C2orf81: variants seen among roughly 807,000 people sequenced by gnomAD.
The protein encoded by C2orf81 is chromosome 2 open reading frame 81, also known as uncharacterized protein C2orf81.
Under a neutral mutation model 7.9 loss-of-function variants are expected in C2orf81, and 5 were observed. That is an observed-to-expected ratio of 0.63 (90% CI 0.33 to 1.33). The LOEUF is 1.33. C2orf81 is among the 40% of genes most tolerant of loss of function. The probability of loss-of-function intolerance (pLI) is 0.05; values close to 1 mark genes in which losing one functional copy is unlikely to be tolerated. For synonymous variants in C2orf81, 346 were observed against 367.4 expected (o/e 0.94, Z 0.66); for missense variants, 781 against 830.4 (o/e 0.94, Z 0.73).
rs1056240248 is a variant in C2orf81 at position 74,415,040 on chromosome 2, C to G, written c.1137G>C (p.Ala379=). The change falls in exon 3 of 3, where the codon GCG becomes GCC. Residue 379 remains alanine (A), a synonymous_variant. Coordinates refer to ENST00000684111, the MANE Select transcript of C2orf81 (RefSeq NM_001316764.3). This position sits in a 1 kb window ranked among gnomAD's most constrained non-coding sequence, Gnocchi z 5.5. ...RKAAVKRLDP[A]RLPCHWVRPL... is the part of the protein sequence containing the mutation. Reference sequence around the variant, plus strand: ...GGCGCACCCAGTGGCACGGGAGCCTCGCAGGGTCCAGGCGTTTCACGGCCG... The same window carrying G: ...GGCGCACCCAGTGGCACGGGAGCCTGGCAGGGTCCAGGCGTTTCACGGCCG... The G allele has an allele frequency of 1.3e-6, 2 of 1,548,748 alleles. No homozygotes were observed. The highest frequency in any genetic ancestry group is 3.9e-5 in the Admixed American group (2 of 50,896).
Position 74,415,340 on chromosome 2 carries a change from G to A in C2orf81, c.837C>T (p.Tyr279=). Residue 279 remains tyrosine, a synonymous_variant, in exon 3 of 3, where the codon TAC becomes TAT. Transcript: ENST00000684111. The surrounding 1 kb of genome is among the most constrained non-coding windows in gnomAD (Gnocchi z 5.5). ...TTGAGGCCTGGGGGCTGGCTACCAG[G>A]TACGGATCCAGAGAAGGGTCGGCAT... ...ADDADPSLDP[Y]LVASPQASTG... 2.0e-6 allele frequency: 3 copies of A among 1,534,360 alleles called. No homozygotes were observed. Among genetic ancestry groups the A allele is most frequent in the Non-Finnish European group, 2.6e-6 (3 of 1,137,050 alleles).
intron 1 of C2orf81, chr2:74,418,417 C>T (rs776246206): frequency 8.6e-5 from 136 of 1,578,678 alleles, no homozygotes; most frequent in Non-Finnish European, 1.8e-5. Context: ...CAAGGGCTGG[C>T]TGGACTTCGA....
In C2orf81 at chr2:74,414,644, G is replaced by C; in HGVS notation, c.1533C>G (p.Ala511=). Residue 511 remains alanine (A), a synonymous_variant, in exon 3 of 3, where the codon GCC becomes GCG. Transcript: ENST00000684111. This position sits in a 1 kb window ranked among gnomAD's most constrained non-coding sequence, Gnocchi z 5.3. The part of the protein sequence containing the change: ...VRWPSGWEGK[A]ELLGELWAGR... ...CAGCCCACAGCTCGCCCAGCAGCTC[G>C]GCCTTCCCCTCCCAACCGCTGGGCC... 1 of 1,549,830 alleles carries C rather than the reference G, an allele frequency of 6.5e-7. No individual in the cohort carries two copies. The highest frequency in any genetic ancestry group is 8.7e-7 in the Non-Finnish European group (1 of 1,145,840).
At chr2:74,418,588 C>G in intron 1 of C2orf81, 1 of 646,934 alleles carries the variant, frequency 1.5e-6, no homozygotes, top group Admixed American at 2.4e-5. Context: ...CGCCCCTGGT[C>G]GCAAATGCGG....
intron 1 of C2orf81, chr2:74,417,696 T>C: frequency 1.0e-5 from 6 of 587,144 alleles, no homozygotes; most frequent in Non-Finnish European, 1.1e-5. Context: ...CTTGGGCCCC[T>C]TTTAAGACCA....
intron 1 of C2orf81, chr2:74,418,041 G>A (rs1382383326): frequency 1.9e-6 from 1 of 519,304 alleles, no homozygotes; most frequent in Admixed American, 2.5e-5. Flanking sequence ...AGGCGGTGGT[G>A]ATGGTGGGTG....
chr2:74,415,347 TC>T lies in C2orf81; in HGVS notation c.829del (p.Asp277IlefsTer5). Reference protein sequence around the residue: ...APADDADPSLDPYLVASPQAS... With the variant: ...APADDADPSLXPYLVASPQAS... ...CTGGGGGCTGGCTACCAGGTACGGA[TC>T]CAGAGAAGGGTCGGCATCGTCGGCA... is the stretch of plus-strand genomic sequence containing the variant. On this transcript the variant is annotated frameshift_variant, in exon 3 of 3. Coordinates refer to ENST00000684111, the MANE Select transcript of C2orf81 (RefSeq NM_001316764.3). LOFTEE classifies it low-confidence loss of function (END_TRUNC). This position sits in a 1 kb window ranked among gnomAD's most constrained non-coding sequence, Gnocchi z 5.5. 6.5e-7 allele frequency: 1 copy of T among 1,528,150 alleles called. No homozygotes were observed. Among genetic ancestry groups the T allele is most frequent in the South Asian group, 1.2e-5 (1 of 81,998 alleles). 94.7% of individuals were successfully genotyped at this position (1,528,150 alleles called of 1,614,324 possible). A position where few individuals can be genotyped will look rare whatever the true frequency, so the allele number is the denominator to read the frequency against.
chr2:74,415,177 A>G lies in C2orf81; in HGVS notation c.1000T>C (p.Ser334Pro). Residue 334 changes from serine to proline, a missense_variant, in exon 3 of 3, where the codon TCC (serine) becomes CCC (proline). Coordinates refer to ENST00000684111, the MANE Select transcript of C2orf81 (RefSeq NM_001316764.3). This position sits in a 1 kb window ranked among gnomAD's most constrained non-coding sequence, Gnocchi z 5.5. ...VPCIASGVLV[S>P]YPSVGGATRP... ...GTGGCGCCGCCCACAGAGGGGTAGG[A>G]CACCAACACGCCCGAGGCGATGCAG... is the stretch of plus-strand genomic sequence containing the variant. 6.7e-7 allele frequency: 1 copy of G among 1,489,102 alleles called. No homozygotes were observed. Among genetic ancestry groups the G allele is most frequent in the Non-Finnish European group, 8.8e-7 (1 of 1,142,526 alleles). 92.2% of individuals were successfully genotyped at this position (1,489,102 alleles called of 1,614,324 possible). A position where few individuals can be genotyped will look rare whatever the true frequency, so the allele number is the denominator to read the frequency against.
Position 74,414,632 on chromosome 2 carries a change from G to A in C2orf81, c.1545C>T (p.Gly515=), listed in dbSNP as rs1371390563. 2.3e-5 allele frequency: 36 copies of A among 1,549,910 alleles called. No homozygotes were observed. The Admixed American group carries it at 6.7e-4, about 29-fold the overall frequency. ...SGWEGKAELL[G]ELWAGRTRVP... Reference sequence around the variant, plus strand: ...CGCGGGTCCGGCCAGCCCACAGCTCGCCCAGCAGCTCGGCCTTCCCCTCCC... The same window carrying A: ...CGCGGGTCCGGCCAGCCCACAGCTCACCCAGCAGCTCGGCCTTCCCCTCCC... The change falls in exon 3 of 3, where the codon GGC becomes GGT. Residue 515 remains glycine (G), a synonymous_variant. Transcript: ENST00000684111. The surrounding 1 kb of genome is among the most constrained non-coding windows in gnomAD (Gnocchi z 5.3).
Position 74,415,609 on chromosome 2 carries a change from C to T in C2orf81, c.568G>A (p.Gly190Ser). 1 of 1,551,168 alleles carries T rather than the reference C, an allele frequency of 6.4e-7. No homozygotes were observed. The highest frequency in any genetic ancestry group is 2.4e-5 in the East Asian group (1 of 40,916). ...CPSAFPQDPG[G>S]VDRIPLGRSW... is the part of the protein sequence containing the mutation. ...CTTCCTAAAGGGATCCGGTCCACGC[C>T]CCCAGGGTCCTGGGGAAATGCACTC... Residue 190 changes from glycine (G) to serine (S), a missense_variant, in exon 3 of 3, where the codon GGC becomes AGC. Coordinates refer to ENST00000684111, the MANE Select transcript of C2orf81 (RefSeq NM_001316764.3). The surrounding 1 kb of genome is among the most constrained non-coding windows in gnomAD (Gnocchi z 5.5).
In C2orf81 at chr2:74,415,843, A is replaced by T. The variant is rs1335794264; in HGVS notation, c.334T>A (p.Ser112Thr). Residue 112 changes from serine (S) to threonine (T), a missense_variant, in exon 3 of 3, where the codon TCT (serine) becomes ACT (threonine). Coordinates refer to ENST00000684111, the MANE Select transcript of C2orf81 (RefSeq NM_001316764.3). This position sits in a 1 kb window ranked among gnomAD's most constrained non-coding sequence, Gnocchi z 5.5. ...WRFLARDEGE[S>T]AVAEDPTWGE... ...CATGTGGGGTCCTCAGCTACTGCAG[A>T]TTCTCCCTCGTCCCGGGCCAGGAAG... 2 of 1,551,422 alleles carry T rather than the reference A, an allele frequency of 1.3e-6. No individual in the cohort carries two copies. The highest frequency in any genetic ancestry group is 1.4e-5 in the African/African-American group (1 of 73,022).
chr2:74,421,101 A>G (rs746265726), intron 1 of C2orf81, among the ~76,000 whole-genome samples: 1 of 152,174 alleles, frequency 6.6e-6, no homozygotes, highest in Non-Finnish European at 1.5e-5. Flanking sequence ...TTATTTTAAA[A>G]TTGATTGGCT....
chr2:74,415,380 T>C lies in C2orf81; in HGVS notation c.797A>G (p.Glu266Gly), dbSNP rs1573210838. 1.3e-6 allele frequency: 2 copies of C among 1,517,512 alleles called. No individual in the cohort carries two copies. The highest frequency in any genetic ancestry group is 1.8e-6 in the Non-Finnish European group (2 of 1,126,744). The allele number at this position is 1,517,512 out of a possible 1,614,324, so 94.0% of individuals were successfully genotyped here. A position where few individuals can be genotyped will look rare whatever the true frequency, so the allele number is the denominator to read the frequency against. Residue 266 changes from glutamate (E) to glycine (G), a missense_variant, in exon 3 of 3, where the codon GAG becomes GGG. By Grantham distance (98) the Glu-to-Gly change is moderately conservative. Transcript: ENST00000684111. This position sits in a 1 kb window ranked among gnomAD's most constrained non-coding sequence, Gnocchi z 5.5. ...LSASFQLSVE[E>G]APADDADPSL... ...AGGGTCGGCATCGTCGGCAGGCGCC[T>C]CCTCCACCGACAGTTGGAAGCTCGC...
Position 74,416,101 on chromosome 2 carries a change from G to C in C2orf81, c.159C>G (p.Leu53=), listed in dbSNP as rs573294235. The C allele has an allele frequency of 3.2e-5, 50 of 1,541,892 alleles. No homozygotes were observed. The highest frequency in any genetic ancestry group is 4.2e-5 in the Non-Finnish European group (48 of 1,141,634). Reference sequence around the variant, plus strand: ...CCCCTACGACGTCCTCGCCCTCCTCGAGGGCTGTAAGCGCCATCCACTCGG... The same window carrying C: ...CCCCTACGACGTCCTCGCCCTCCTCCAGGGCTGTAAGCGCCATCCACTCGG... The part of the protein sequence containing the change: ...SEAEWMALTA[L]EEGEDVVGDI... Residue 53 remains leucine, a synonymous_variant, in exon 2 of 3, where the codon CTC becomes CTG. Transcript: ENST00000684111.
rs1294178800 is a variant in C2orf81 at position 74,415,517 on chromosome 2, G to A, written c.660C>T (p.Val220=). 7 of 1,545,512 alleles carry A rather than the reference G, an allele frequency of 4.5e-6. No homozygotes were observed. In the East Asian group the frequency reaches 1.7e-4, roughly 38 times the overall value. Residue 220 remains valine, a synonymous_variant, in exon 3 of 3, where the codon GTC becomes GTT. Coordinates refer to ENST00000684111, the MANE Select transcript of C2orf81 (RefSeq NM_001316764.3). This position sits in a 1 kb window ranked among gnomAD's most constrained non-coding sequence, Gnocchi z 5.5. ...ESWEPSPQLR[V]TSAPPPTSEL... ...CTGATGTGGGAGGAGGGGCCGACGT[G>A]ACTCTCAGCTGCGGAGAAGGCTCCC...
rs1229484012 is a variant in C2orf81, at chr2:74,414,735, G to A, written c.1442C>T (p.Thr481Ile). 2.6e-6 allele frequency: 4 copies of A among 1,549,664 alleles called. No individual in the cohort carries two copies. Among genetic ancestry groups the A allele is most frequent in the Non-Finnish European group, 3.5e-6 (4 of 1,145,782 alleles). Residue 481 changes from threonine (T) to isoleucine (I), a missense_variant, in exon 3 of 3, where the codon ACC becomes ATC. By Grantham distance (89) the Thr-to-Ile change is moderately conservative (BLOSUM62 -1). Transcript: ENST00000684111. This position sits in a 1 kb window ranked among gnomAD's most constrained non-coding sequence, Gnocchi z 5.3. ...CACATCAGGGAGCACCGGGTGTGTG[G>A]TGAGGAAGCGGATCCTGGAGTTTGG... Reference protein sequence around the residue: ...PLPNSRIRFLTTHPVLPDVAR... With the variant: ...PLPNSRIRFLITHPVLPDVAR...
rs1182889349 is a variant in C2orf81, at chr2:74,414,690, T to G, written c.1487A>C (p.Lys496Thr). The change falls in exon 3 of 3, where the codon AAG becomes ACG. Residue 496 changes from lysine (K) to threonine (T), a missense_variant. Lys to Thr is a moderately conservative substitution (Grantham distance 78). Transcript: ENST00000684111. This position sits in a 1 kb window ranked among gnomAD's most constrained non-coding sequence, Gnocchi z 5.3. ...LPDVARSRSP[K>T]LWPSVRWPSG... Reference sequence around the variant, plus strand: ...GGGCCACCTGACACTGGGCCACAGCTTGGGGCTGCGGCTGCGGGCCACATC... The same window carrying G: ...GGGCCACCTGACACTGGGCCACAGCGTGGGGCTGCGGCTGCGGGCCACATC... 3.2e-6 allele frequency: 5 copies of G among 1,544,930 alleles called. 1 individual carries two copies. The highest frequency in any genetic ancestry group is 3.9e-5 in the Admixed American group (2 of 50,696).
intron 1 of C2orf81, among the ~76,000 whole-genome samples, chr2:74,420,206 A>G (rs1676564109): frequency 6.6e-6 from 1 of 152,230 alleles, no homozygotes; most frequent in African/African-American, 2.4e-5. Context: ...TCAAAATGAT[A>G]ACAGAGGATA....
In C2orf81 at chr2:74,414,583, C is replaced by G; in HGVS notation, c.1594G>C (p.Ala532Pro). The change falls in exon 3 of 3, where the codon GCA (alanine) becomes CCA (proline). Residue 532 changes from alanine (A) to proline (P), a missense_variant. Coordinates refer to ENST00000684111, the MANE Select transcript of C2orf81 (RefSeq NM_001316764.3). The surrounding 1 kb of genome is among the most constrained non-coding windows in gnomAD (Gnocchi z 5.3). ...CCAGGATCCTGGCCCTCCCTGTCTG[C>G]CAGCTCCAGACCCTGTGGAGGCACG... ...TRVPPQGLEL[A>P]DREGQDPGRW... The G allele has an allele frequency of 6.5e-7, 1 of 1,544,006 alleles. No homozygotes were observed. Among genetic ancestry groups the G allele is most frequent in the Non-Finnish European group, 8.8e-7 (1 of 1,141,550 alleles).
Sources: allele counts gnomAD v4.1 joint callset (sites outside exome capture counted in the v4.1 genomes callset), GRCh38; gene constraint gnomAD v4.1.1; non-coding constraint Gnocchi (gnomAD v3.1); transcripts MANE v1.5; gene names NCBI Gene and HGNC (gene_info 2026-07-23, HGNC 2026-07-21).